The following MMP16 variants were observed in gnomAD, a reference collection of about 807,000 sequenced individuals.
The protein encoded by MMP16 is matrix metalloproteinase-16.
A neutral mutation model predicts 67.8 loss-of-function variants in MMP16; 12 were observed. The ratio of observed to expected loss-of-function variants is 0.18; its 90% CI spans 0.11 to 0.29. The LOEUF (loss-of-function observed/expected upper bound fraction) is 0.29. MMP16 is among the 10% of genes least tolerant of loss of function. The pLI is 1.00. For missense variants in MMP16, 475 were observed against 765.7 expected (o/e 0.62, Z 4.48); for synonymous variants, 249 against 255.9 (o/e 0.97, Z 0.26).
intron 4 of MMP16, among the ~76,000 whole-genome samples, chr8:88,155,513 GA>G (rs1480261725): frequency 6.6e-6 from 1 of 152,018 alleles, no homozygotes; most frequent in Non-Finnish European, 1.5e-5. Flanking sequence ...TCTCATTTTA[GA>G]ATTGGATATT....
Position 88,033,634 on chromosome 8 carries a change from T to C in MMP16, c.*7827A>G, listed in dbSNP as rs1808014543. ...CTCCATTTATTTCCCTCCTATAATATAAAAACAAGATCTATTTGTTTAAAA... is the reference window on the plus strand; with the variant it reads ...CTCCATTTATTTCCCTCCTATAATACAAAAACAAGATCTATTTGTTTAAAA... On this transcript the variant is annotated 3_prime_UTR_variant, in exon 10 of 10. Transcript: ENST00000286614. 1.3e-5 allele frequency: 2 copies of C among 151,928 alleles called. No homozygotes were observed. The highest frequency in any genetic ancestry group is 1.3e-4 in the Admixed American group (2 of 15,204). The allele number at this position is 151,928 out of a possible 1,614,324, so 9.4% of individuals were successfully genotyped here.
chr8:88,203,741 T>C (rs984897446), intron 1 of MMP16, among the ~76,000 whole-genome samples: 6 of 152,214 alleles, frequency 3.9e-5, no homozygotes, highest in Non-Finnish European at 7.3e-5. Context: ...TTGTGCTATA[T>C]AGATGTTTGC....
At chr8:88,211,621 A>G (rs1481391098) in intron 1 of MMP16, among the ~76,000 whole-genome samples, 1 of 152,124 alleles carries the variant, frequency 6.6e-6, no homozygotes, top group East Asian at 1.9e-4. Flanking sequence ...AGTTTATAAA[A>G]AAGTTCCTCT....
rs1482116563 is a variant in MMP16 at position 88,041,488 on chromosome 8, A to G, written c.1797T>C (p.Cys599=). The G allele has an allele frequency of 1.2e-6, 2 of 1,613,986 alleles. No homozygotes were observed. Among genetic ancestry groups the G allele is most frequent in the African/African-American group, 1.3e-5 (1 of 74,950 alleles). Residue 599 remains cysteine, a synonymous_variant, in exon 10 of 10, where the codon TGT becomes TGC. Transcript: ENST00000286614. This position sits in a 1 kb window ranked among gnomAD's most constrained non-coding sequence, Gnocchi z 6.0. ...ACACCCACTCTTGCATAGAGCGTTT[A>G]CAGTACAGTATGTGGCGGGGTGTTC... ...RKGTPRHILY[C]KRSMQEWV
At chr8:88,088,603 G>C (rs1023110038) in intron 6 of MMP16, among the ~76,000 whole-genome samples, 5 of 151,960 alleles carry the variant, frequency 3.3e-5, no homozygotes, top group African/African-American at 1.2e-4. Context: ...GCCATAACAG[G>C]GGAGACTAAT....
chr8:88,142,686 A>G (rs543696227), intron 4 of MMP16, among the ~76,000 whole-genome samples: 9 of 152,274 alleles, frequency 5.9e-5, no homozygotes, highest in Admixed American at 3.3e-4. Context: ...TTACCAGGAA[A>G]TAAACTGTTT....
chr8:88,038,139 G>C lies in MMP16; in HGVS notation c.*3322C>G, dbSNP rs1808079544. 1 of 151,966 alleles carries C rather than the reference G, an allele frequency of 6.6e-6. No homozygotes were observed. The highest frequency in any genetic ancestry group is 2.4e-5 in the African/African-American group (1 of 41,424). The allele number at this position is 151,966 out of a possible 1,614,324, so 9.4% of individuals were successfully genotyped here. ...CTTTTTTCCCAAACCTCATGTAGAA[G>C]AGGAGTCAGGAACCATACCCACAAA... is the stretch of plus-strand genomic sequence containing the variant. On this transcript the variant is annotated 3_prime_UTR_variant, in exon 10 of 10. Coordinates refer to ENST00000286614, the MANE Select transcript of MMP16 (RefSeq NM_005941.5). This position sits in a 1 kb window ranked among gnomAD's most constrained non-coding sequence, Gnocchi z 4.1.
Position 88,043,883 on chromosome 8 carries a change from T to C in MMP16, c.1490-2088A>G, listed in dbSNP as rs558642439. On this transcript the variant is annotated intron_variant, in intron 9 of 9. Coordinates refer to ENST00000286614, the MANE Select transcript of MMP16 (RefSeq NM_005941.5). ...TGCCAAATAACAGTACATTAGATGA[T>C]CATAGATGAATAACGGCATTGATCT... is the stretch of plus-strand genomic sequence containing the variant. Among the ~76,000 whole-genome samples the C allele has an allele frequency of 2.6e-5, 4 of 152,302 alleles. No homozygotes were observed. The South Asian group carries it at 8.3e-4, about 32-fold the overall frequency.
intron 3 of MMP16, 145 bp downstream of exon 3, chr8:88,186,331 C>G: frequency 9.3e-7 from 1 of 1,072,986 alleles, no homozygotes; most frequent in East Asian, 2.4e-5. Context: ...ACTCTCCTCT[C>G]AATAGCAATT....
intron 4 of MMP16, among the ~76,000 whole-genome samples, chr8:88,155,790 G>C (rs1468873050): frequency 6.6e-6 from 1 of 152,016 alleles, no homozygotes; most frequent in Non-Finnish European, 1.5e-5. Flanking sequence ...TGGATGTTCT[G>C]AGTTGTTTCC....
At chr8:88,280,585 T>C (rs1392475432) in intron 1 of MMP16, among the ~76,000 whole-genome samples, 1 of 152,160 alleles carries the variant, frequency 6.6e-6, no homozygotes, top group Non-Finnish European at 1.5e-5. Context: ...ATTTTTATTT[T>C]GTTTTTCTTT....
At chr8:88,124,272 A>G (rs1223373974) in intron 4 of MMP16, among the ~76,000 whole-genome samples, 1 of 151,976 alleles carries the variant, frequency 6.6e-6, no homozygotes, top group Non-Finnish European at 1.5e-5. Flanking sequence ...GATAGAATGA[A>G]ATATCAGTTA....
At chr8:88,141,835 T>C (rs923653281) in intron 4 of MMP16, among the ~76,000 whole-genome samples, 5 of 152,140 alleles carry the variant, frequency 3.3e-5, no homozygotes, top group Non-Finnish European at 7.3e-5. Context: ...TTAAAAATGT[T>C]CATGCTCCTT....
rs76336207 is a variant in MMP16, at chr8:88,069,751, G to A, written c.1222+4854C>T. Among the ~76,000 whole-genome samples, 66 of 152,194 alleles carry A rather than the reference G, an allele frequency of 4.3e-4. 1 individual carries two copies. The East Asian group carries it at 0.012, about 29-fold the overall frequency. Reference sequence around the variant, plus strand: ...TTCAGATGACTATACTATGGCTACTGCTTTTGATTTCCATCCTTTTCTCTA... The same window carrying A: ...TTCAGATGACTATACTATGGCTACTACTTTTGATTTCCATCCTTTTCTCTA... On this transcript the variant is annotated intron_variant, in intron 7 of 9. Transcript: ENST00000286614.
rs1808115940 is a variant in MMP16, at chr8:88,040,427, A to G, written c.*1034T>C. The stretch of plus-strand genomic sequence containing the variant: ...AGACCGACAATCCTAAGACTCTGAA[A>G]GCTGGTCTGATAGTTCTCAAAGGGT... On this transcript the variant is annotated 3_prime_UTR_variant, in exon 10 of 10. Transcript: ENST00000286614. 6.6e-6 allele frequency: 1 copy of G among 152,470 alleles called. No homozygotes were observed. The highest frequency in any genetic ancestry group is 1.9e-4 in the East Asian group (1 of 5,182). The allele number at this position is 152,470 out of a possible 1,614,324, so 9.4% of individuals were successfully genotyped here. A position where few individuals can be genotyped will look rare whatever the true frequency, so the allele number is the denominator to read the frequency against.
intron 4 of MMP16, among the ~76,000 whole-genome samples, chr8:88,153,402 C>T (rs1808445463): frequency 1.3e-5 from 2 of 152,120 alleles, no homozygotes; most frequent in East Asian, 1.9e-4. Context: ...GAGCCCGCAT[C>T]ACCAAGTCAA....
chr8:88,302,923 C>T (rs985835942), intron 1 of MMP16, among the ~76,000 whole-genome samples: 3 of 152,196 alleles, frequency 2.0e-5, no homozygotes, highest in African/African-American at 7.2e-5. Flanking sequence ...TCCAAAGGAA[C>T]TCCCACCCCC....
At chr8:88,149,049 G>A (rs1181722983) in intron 4 of MMP16, among the ~76,000 whole-genome samples, 1 of 152,234 alleles carries the variant, frequency 6.6e-6, no homozygotes, top group Non-Finnish European at 1.5e-5. Context: ...CCTCACCTGG[G>A]AAGCGCAAGG....
intron 7 of MMP16, among the ~76,000 whole-genome samples, chr8:88,059,437 G>A (rs775124351): frequency 5.3e-5 from 8 of 152,094 alleles, no homozygotes; most frequent in Non-Finnish European, 8.8e-5. Flanking sequence ...AGTATCTATA[G>A]TTATCTGATG....
Sources: allele counts gnomAD v4.1 joint callset (sites outside exome capture counted in the v4.1 genomes callset), GRCh38; gene constraint gnomAD v4.1.1; non-coding constraint Gnocchi (gnomAD v3.1); transcripts MANE v1.5; gene names NCBI Gene and HGNC (gene_info 2026-07-23, HGNC 2026-07-21).